The following CEP112 variants were observed in gnomAD, a reference collection of about 807,000 sequenced individuals.
The protein encoded by CEP112 is centrosomal protein 112.
CEP112 carries 127 observed loss-of-function variants against 153.0 expected under a neutral mutation model. The ratio of observed to expected loss-of-function variants is 0.83; its 90% confidence interval spans 0.72 to 0.96. The LOEUF (loss-of-function observed/expected upper bound fraction) is 0.96. Ranked by LOEUF, CEP112 falls within the 40% of genes least tolerant of loss-of-function variation. The probability of loss-of-function intolerance (pLI) is 0.00; values close to 1 mark genes in which losing one functional copy is unlikely to be tolerated. For synonymous variants in CEP112, 358 were observed against 374.4 expected, an observed-to-expected ratio of 0.96 and a Z score of 0.51; for missense variants, 1,089 against 1,101.2, an observed-to-expected ratio of 0.99 and a Z score of 0.16.
At chr17:66,003,294 G>A (rs1244292043) in intron 17 of CEP112, among the ~76,000 whole-genome samples, 2 of 152,084 alleles carry the variant, frequency 1.3e-5, no homozygotes, top group Non-Finnish European at 2.9e-5. Flanking sequence ...ACCTAAAGAG[G>A]GTTACTTGGC....
Position 65,835,302 on chromosome 17 carries a change from G to T in CEP112, c.2394+16502C>A, listed in dbSNP as rs529287365. Among the ~76,000 whole-genome samples the T allele has an allele frequency of 1.3e-4, 19 of 151,080 alleles. No homozygotes were observed. In the South Asian group the frequency reaches 4.0e-3, roughly 32 times the overall value. ...CCCACAAAGCATATTTTTAAAAAAT[G>T]ACTGAAAATTTCTCAAATCCCAAGA... On this transcript the variant is annotated intron_variant, in intron 21 of 26. Transcript: ENST00000535342.
At chr17:66,056,458 G>A (rs895481049) in intron 11 of CEP112, among the ~76,000 whole-genome samples, 9 of 152,144 alleles carry the variant, frequency 5.9e-5, no homozygotes, top group African/African-American at 9.7e-5. Flanking sequence ...CATTATTCAC[G>A]ATATCCAAAA....
chr17:65,866,989 G>T (rs1598825634), intron 20 of CEP112, among the ~76,000 whole-genome samples: 1 of 151,608 alleles, frequency 6.6e-6, no homozygotes, highest in Non-Finnish European at 1.5e-5. Flanking sequence ...AGATGACAAG[G>T]AGAGAGGAGA....
intron 19 of CEP112, among the ~76,000 whole-genome samples, chr17:65,926,585 TGC>T (rs1222641395): frequency 1.3e-5 from 2 of 151,984 alleles, no homozygotes; most frequent in Non-Finnish European, 2.9e-5. Flanking sequence ...TGGTGGCGTG[TGC>T]CTGTAATCCC....
intron 24 of CEP112, chr17:65,644,593 T>C (rs1210866133): frequency 6.3e-6 from 1 of 159,496 alleles, no homozygotes; most frequent in Non-Finnish European, 1.4e-5. Flanking sequence ...AAGACGTTGA[T>C]TTTGACTTTC....
intron 18 of CEP112, among the ~76,000 whole-genome samples, chr17:65,955,277 G>A (rs2061965407): frequency 6.6e-6 from 1 of 151,668 alleles, no homozygotes. Flanking sequence ...CTTTATAAAT[G>A]AAGAAAAGAC....
intron 21 of CEP112, among the ~76,000 whole-genome samples, chr17:65,792,404 T>A (rs576210411): frequency 6.6e-6 from 1 of 152,284 alleles, no homozygotes; most frequent in East Asian, 1.9e-4. Flanking sequence ...AAGGAGATTT[T>A]TATTCCTTAA....
chr17:66,075,688 G>A (rs964713302), intron 8 of CEP112, among the ~76,000 whole-genome samples: 1 of 152,146 alleles, frequency 6.6e-6, no homozygotes, highest in Admixed American at 6.6e-5. Flanking sequence ...AATCATTATG[G>A]TGGATGAGAG....
chr17:65,991,385 G>A (rs777007489), intron 17 of CEP112, among the ~76,000 whole-genome samples: 4 of 151,964 alleles, frequency 2.6e-5, no homozygotes, highest in Non-Finnish European at 4.4e-5. Flanking sequence ...TGAATGATAC[G>A]TTATAAATTG....
intron 23 of CEP112, among the ~76,000 whole-genome samples, chr17:65,737,791 C>T (rs2050887654): frequency 2.0e-5 from 3 of 152,232 alleles, no homozygotes; most frequent in African/African-American, 7.2e-5. Flanking sequence ...GTAGACATAT[C>T]TCAGTCGCTT....
chr17:66,092,749 T>A (rs1216985942), intron 8 of CEP112, among the ~76,000 whole-genome samples: 1 of 152,136 alleles, frequency 6.6e-6, no homozygotes, highest in Non-Finnish European at 1.5e-5. Context: ...GTACACCAAT[T>A]AACAGAATGA....
At chr17:65,973,639 G>A (rs1478810493) in intron 17 of CEP112, among the ~76,000 whole-genome samples, 2 of 152,094 alleles carry the variant, frequency 1.3e-5, no homozygotes, top group African/African-American at 4.8e-5. Context: ...CTGGAAAAAC[G>A]ATACATACTG....
At chr17:65,802,867 A>T (rs2055364319) in intron 21 of CEP112, among the ~76,000 whole-genome samples, 1 of 152,162 alleles carries the variant, frequency 6.6e-6, no homozygotes, top group Admixed American at 6.6e-5. Context: ...TCTTTTCCCT[A>T]TATAGTGTCG....
intron 24 of CEP112, among the ~76,000 whole-genome samples, chr17:65,682,072 C>G (rs1360948054): frequency 1.3e-5 from 2 of 152,072 alleles, no homozygotes; most frequent in African/African-American, 4.8e-5. Flanking sequence ...CAGCTCACTG[C>G]AACCTCTGCT....
chr17:65,755,089 T>C (rs372891505), intron 21 of CEP112, among the ~76,000 whole-genome samples: 181 of 151,306 alleles, frequency 1.2e-3, no homozygotes, highest in African/African-American at 4.2e-3. Flanking sequence ...AAAATAAAAG[T>C]TGAAAAAGAA....
chr17:65,965,517 C>CG (rs1568303324), intron 17 of CEP112, among the ~76,000 whole-genome samples: 1 of 102,822 alleles, frequency 9.7e-6, no homozygotes, highest in South Asian at 5.1e-4. Context: ...CCTTCTGCCC[C>CG]CTTTTTTTTT....
chr17:66,100,118 A>C (rs1348854467), intron 6 of CEP112, among the ~76,000 whole-genome samples: 1 of 152,174 alleles, frequency 6.6e-6, no homozygotes, highest in Non-Finnish European at 1.5e-5. Flanking sequence ...GACTAAATTA[A>C]GAGTTGTACA....
At chr17:65,863,582 C>T (rs1352720583) in intron 20 of CEP112, among the ~76,000 whole-genome samples, 1 of 143,952 alleles carries the variant, frequency 6.9e-6, no homozygotes. Context: ...GGTGAAACCC[C>T]GTCTCTACTA....
chr17:65,721,487 T>C (rs945269157), intron 23 of CEP112, among the ~76,000 whole-genome samples: 1 of 152,232 alleles, frequency 6.6e-6, no homozygotes, highest in African/African-American at 2.4e-5. Context: ...GACATCTTCA[T>C]ACCACTGTGC....
Sources: allele counts gnomAD v4.1 joint callset (sites outside exome capture counted in the v4.1 genomes callset), GRCh38; gene constraint gnomAD v4.1.1; transcripts MANE v1.5; gene names NCBI Gene and HGNC (gene_info 2026-07-23, HGNC 2026-07-21).